GHR: variants seen among roughly 807,000 people sequenced by gnomAD.
The protein encoded by GHR is growth hormone receptor, also known as GH receptor.
Under a neutral mutation model 67.1 loss-of-function variants are expected in GHR, and 35 were observed. The ratio of observed to expected loss-of-function variants is 0.52; its 90% confidence interval spans 0.40 to 0.69. The LOEUF (loss-of-function observed/expected upper bound fraction) is 0.69, where lower values mean the gene tolerates loss of function less well. GHR is among the 30% of genes least tolerant of loss of function. The pLI is 0.00. For synonymous variants in GHR, 272 were observed against 269.1 expected, an observed-to-expected ratio of 1.01 and a Z score of -0.10; for missense variants, 792 against 764.6, an observed-to-expected ratio of 1.04 and a Z score of -0.42.
chr5:42,569,315 C>T (rs1007085046), intron 2 of GHR, among the ~76,000 whole-genome samples: 3 of 152,164 alleles, frequency 2.0e-5, no homozygotes, highest in African/African-American at 7.2e-5. Flanking sequence ...GCACTTACTT[C>T]GTGGAAGGCA....
intron 1 of GHR, among the ~76,000 whole-genome samples, chr5:42,446,971 T>C (rs1487235551): frequency 2.0e-5 from 3 of 152,196 alleles, no homozygotes; most frequent in Non-Finnish European, 4.4e-5. Context: ...ATTGAGTTAG[T>C]GGTGGTGATG....
chr5:42,525,175 G>A (rs146689893), intron 1 of GHR, among the ~76,000 whole-genome samples: 158 of 152,266 alleles, frequency 1.0e-3, no homozygotes, highest in African/African-American at 3.5e-3. Flanking sequence ...TGGAAAAGCC[G>A]CAGTCACTCA....
intron 1 of GHR, among the ~76,000 whole-genome samples, chr5:42,562,045 T>C (rs746212591): frequency 1.3e-5 from 2 of 152,126 alleles, no homozygotes; most frequent in Non-Finnish European, 2.9e-5. Context: ...TATTCTCACA[T>C]CTAGTATATC....
At chr5:42,436,721 A>T (rs1314588209) in intron 1 of GHR, among the ~76,000 whole-genome samples, 1 of 152,248 alleles carries the variant, frequency 6.6e-6, no homozygotes, top group African/African-American at 2.4e-5. Flanking sequence ...CTCAGTCTTT[A>T]CATAGTTACT....
At chr5:42,657,606 C>T (rs999961087) in intron 3 of GHR, among the ~76,000 whole-genome samples, 2 of 152,166 alleles carry the variant, frequency 1.3e-5, no homozygotes, top group African/African-American at 4.8e-5. Flanking sequence ...CTTCTCTTCA[C>T]TCATAATGGG....
At chr5:42,626,816 C>CA (rs1753727947) in intron 2 of GHR, among the ~76,000 whole-genome samples, 1 of 152,162 alleles carries the variant, frequency 6.6e-6, no homozygotes, top group Non-Finnish European at 1.5e-5. Context: ...AGGTAAAACT[C>CA]AGTGTTTACT....
intron 4 of GHR, among the ~76,000 whole-genome samples, chr5:42,692,359 G>C (rs1274219376): frequency 6.6e-6 from 1 of 151,848 alleles, no homozygotes; most frequent in Non-Finnish European, 1.5e-5. Context: ...GATAGTCTGG[G>C]AGCAAACCTA....
chr5:42,466,448 T>C (rs1278808867), intron 1 of GHR, among the ~76,000 whole-genome samples: 2 of 152,192 alleles, frequency 1.3e-5, no homozygotes, highest in Non-Finnish European at 2.9e-5. Flanking sequence ...CCCCAAGTGG[T>C]TTCCTTACCT....
intron 7 of GHR, among the ~76,000 whole-genome samples, chr5:42,712,399 C>A (rs959467572): frequency 6.6e-6 from 1 of 151,514 alleles, no homozygotes; most frequent in Non-Finnish European, 1.5e-5. Context: ...ATTTTTTAAA[C>A]TGCCTTTTCC....
intron 1 of GHR, among the ~76,000 whole-genome samples, chr5:42,531,103 A>T (rs1747946192): frequency 6.6e-6 from 1 of 152,118 alleles, no homozygotes; most frequent in South Asian, 2.1e-4. Context: ...CCCCATCTCT[A>T]CTAAAAATAC....
intron 8 of GHR, among the ~76,000 whole-genome samples, chr5:42,717,588 G>A (rs754988035): frequency 7.2e-5 from 11 of 152,060 alleles, no homozygotes; most frequent in Non-Finnish European, 1.3e-4. Flanking sequence ...ACCTACCCAA[G>A]TCTACCCTTT....
chr5:42,595,665 A>T (rs912420814), intron 2 of GHR, among the ~76,000 whole-genome samples: 1 of 152,250 alleles, frequency 6.6e-6, no homozygotes, highest in African/African-American at 2.4e-5. Flanking sequence ...TTTGAGTGGG[A>T]CTGCTTGAGT....
intron 1 of GHR, chr5:42,468,411 T>G (rs1398608699): frequency 1.8e-6 from 2 of 1,121,212 alleles, no homozygotes; most frequent in Non-Finnish European, 2.5e-6. Context: ...CAAAAGCTTC[T>G]TCTTGAGTTT....
intron 2 of GHR, among the ~76,000 whole-genome samples, chr5:42,603,352 C>T (rs10077870): frequency 1 from 152,022 of 152,220 alleles, 75,915 homozygotes; most frequent in Non-Finnish European, 1. Context: ...ATTCATCTTA[C>T]TTGGTGTCGT....
At chr5:42,648,545 T>C (rs1460863849) in intron 3 of GHR, among the ~76,000 whole-genome samples, 1 of 152,208 alleles carries the variant, frequency 6.6e-6, no homozygotes, top group African/African-American at 2.4e-5. Context: ...TAGATTGTTA[T>C]TCCTCTCTAA....
At chr5:42,427,565 G>T (rs537168206) in intron 1 of GHR, among the ~76,000 whole-genome samples, 2 of 152,158 alleles carry the variant, frequency 1.3e-5, no homozygotes, top group South Asian at 4.2e-4. Context: ...ATATCATTCC[G>T]CTCCTAGCCC....
chr5:42,478,205 AT>A (rs1279471622), intron 1 of GHR, among the ~76,000 whole-genome samples: 1 of 152,046 alleles, frequency 6.6e-6, no homozygotes, highest in Non-Finnish European at 1.5e-5. Flanking sequence ...GATATGCGGC[AT>A]TATTTCTGAG....
At chr5:42,505,893 C>G (rs551088910) in intron 1 of GHR, among the ~76,000 whole-genome samples, 1 of 152,138 alleles carries the variant, frequency 6.6e-6, no homozygotes, top group Non-Finnish European at 1.5e-5. Context: ...TTAACTTTAT[C>G]ATACCATTCA....
intron 2 of GHR, among the ~76,000 whole-genome samples, chr5:42,622,903 G>A (rs1164214886): frequency 1.3e-5 from 2 of 152,076 alleles, no homozygotes; most frequent in Non-Finnish European, 2.9e-5. Flanking sequence ...AGAACCCACT[G>A]CCTACATGCA....
Sources: allele counts gnomAD v4.1 joint callset (sites outside exome capture counted in the v4.1 genomes callset), GRCh38; gene constraint gnomAD v4.1.1; transcripts MANE v1.5; gene names NCBI Gene and HGNC (gene_info 2026-07-23, HGNC 2026-07-21).